The following CRYBG1 variants were observed in gnomAD, a reference collection of about 807,000 sequenced individuals.
CRYBG1 encodes beta/gamma crystallin domain-containing protein 1.
A neutral mutation model predicts 189.2 loss-of-function variants in CRYBG1; 139 were observed. The ratio of observed to expected loss-of-function variants is 0.73; its 90% CI spans 0.64 to 0.85. The LOEUF (loss-of-function observed/expected upper bound fraction) is 0.85, where lower values mean the gene tolerates loss of function less well. Among genes scored for constraint, CRYBG1 ranks in the 40% least tolerant of loss-of-function variants. The pLI, the probability that CRYBG1 is intolerant of heterozygous loss-of-function variation, is 0.00. For synonymous variants in CRYBG1, 1,023 were observed against 1,017.1 expected, an observed-to-expected ratio of 1.01 and a Z score of -0.11; for missense variants, 2,611 against 2,675.8, an observed-to-expected ratio of 0.98 and a Z score of 0.53.
rs757528132 is a variant in CRYBG1 at position 106,544,523 on chromosome 6, T to G, written c.5040-48T>G. The G allele has an allele frequency of 2.5e-6, 4 of 1,594,662 alleles. No individual in the cohort carries two copies. In the Admixed American group the frequency reaches 7.1e-5, roughly 28 times the overall value. On this transcript the variant is annotated intron_variant, in intron 11 of 21. Coordinates refer to ENST00000633556, the MANE Select transcript of CRYBG1 (RefSeq NM_001371242.2). ...GAAATTGATATGTACCTTGAAAAAA[T>G]GTTAACATGTCTGGAAATGACTACT...
intron 1 of CRYBG1, among the ~76,000 whole-genome samples, chr6:106,403,393 G>A (rs146723158): frequency 6.6e-6 from 1 of 152,320 alleles, no homozygotes; most frequent in African/African-American, 2.4e-5. Context: ...AAGGGGCTGC[G>A]TGGAATAACA....
chr6:106,553,680 T>C (rs1045342796), intron 16 of CRYBG1, 113 bp downstream of exon 16: 17 of 738,998 alleles, frequency 2.3e-5, no homozygotes, highest in Non-Finnish European at 3.8e-5. Context: ...GAAACCACCA[T>C]CTTAGTCCAA....
intron 7 of CRYBG1, 55 bp from the exon 8 acceptor site, chr6:106,530,121 A>C: frequency 6.9e-7 from 1 of 1,451,370 alleles, no homozygotes. Context: ...TGAGCTTACT[A>C]GAGAGTGAAA....
chr6:106,499,122 G>GT lies in CRYBG1; in HGVS notation c.313-12302dup, dbSNP rs753858395. On this transcript the variant is annotated intron_variant, in intron 2 of 21. Coordinates refer to ENST00000633556, the MANE Select transcript of CRYBG1 (RefSeq NM_001371242.2). ...TTTTTGCATTTTTTTTTGTTTGTGT[G>GT]TTTTTTGTTTTTTGTTTGTTTGTTT... Among the ~76,000 whole-genome samples the GT allele has an allele frequency of 2.2e-4, 29 of 132,994 alleles. No individual in the cohort carries two copies. The East Asian group carries it at 4.6e-3, about 21-fold the overall frequency. 87.2% of individuals were successfully genotyped at this position (132,994 alleles called of 152,430 possible).
chr6:106,427,105 G>A (rs1771241581), intron 1 of CRYBG1, among the ~76,000 whole-genome samples: 2 of 151,972 alleles, frequency 1.3e-5, no homozygotes, highest in Admixed American at 1.3e-4. Context: ...AGGGCCTCAG[G>A]GCTCAGTTCT....
At chr6:106,482,902 T>C (rs923559040) in intron 2 of CRYBG1, among the ~76,000 whole-genome samples, 2 of 152,224 alleles carry the variant, frequency 1.3e-5, no homozygotes, top group African/African-American at 4.8e-5. Flanking sequence ...TGGGGTATAA[T>C]TTGATGTTTC....
intron 1 of CRYBG1, among the ~76,000 whole-genome samples, chr6:106,399,864 C>T (rs550002524): frequency 7.2e-5 from 11 of 151,752 alleles, no homozygotes; most frequent in African/African-American, 1.9e-4. Flanking sequence ...CGGCCGGGTG[C>T]GGTGGCTCAC....
At chr6:106,377,850 AC>A (rs1770202827) in intron 1 of CRYBG1, among the ~76,000 whole-genome samples, 1 of 152,076 alleles carries the variant, frequency 6.6e-6, no homozygotes, top group African/African-American at 2.4e-5. Context: ...TTTACCAATG[AC>A]CATTGATGGC....
At chr6:106,384,236 G>A (rs1381883979) in intron 1 of CRYBG1, among the ~76,000 whole-genome samples, 1 of 152,130 alleles carries the variant, frequency 6.6e-6, no homozygotes, top group African/African-American at 2.4e-5. Context: ...ACTTCCCATC[G>A]GTAACTGAGG....
chr6:106,521,236 T>C lies in CRYBG1; in HGVS notation c.4028T>C (p.Leu1343Pro). Residue 1343 changes from leucine (L) to proline (P), a missense_variant, in exon 4 of 22, where the codon CTG (leucine) becomes CCG (proline). Physicochemically the swap from Leu to Pro is moderately conservative, Grantham distance 98. Coordinates refer to ENST00000633556, the MANE Select transcript of CRYBG1 (RefSeq NM_001371242.2). ...YPQKEKTKED[L>P]DSRSNLHLPE... is the part of the protein sequence containing the mutation. ...CAAAAAGAGAAAACCAAAGAAGATC[T>C]GGATTCACGAAGCAACCTACACTTG... The C allele has an allele frequency of 1.2e-6, 2 of 1,614,060 alleles. No individual in the cohort carries two copies. Among genetic ancestry groups the C allele is most frequent in the Non-Finnish European group, 1.7e-6 (2 of 1,179,986 alleles).
intron 1 of CRYBG1, among the ~76,000 whole-genome samples, chr6:106,386,438 T>G (rs1030854418): frequency 2.0e-5 from 3 of 152,222 alleles, no homozygotes; most frequent in African/African-American, 7.2e-5. Context: ...GATTCTGACT[T>G]AAAGCCTGCC....
At position 106,362,144 on chromosome 6, in the gene CRYBG1, T is replaced by C. The variant is rs573562587; in HGVS notation, c.173+1063T>C. 3.4e-5 allele frequency among the ~76,000 whole-genome samples: 5 copies of C among 148,886 alleles called. No individual in the cohort carries two copies. In the East Asian group the frequency reaches 9.9e-4, roughly 29 times the overall value. ...GCCACCACGCCCGGCTAATTTTTTG[T>C]ATTTTTAGTAGAAACGGGGTTTCAC... On this transcript the variant is annotated intron_variant, in intron 1 of 21. Transcript: ENST00000633556.
intron 8 of CRYBG1, among the ~76,000 whole-genome samples, chr6:106,539,107 A>G (rs955007783): frequency 3.9e-5 from 6 of 152,176 alleles, no homozygotes; most frequent in African/African-American, 1.4e-4. Context: ...AGCTGTTACT[A>G]ATGTTTGGCA....
intron 2 of CRYBG1, among the ~76,000 whole-genome samples, chr6:106,493,644 A>T (rs1772775246): frequency 6.6e-6 from 1 of 152,252 alleles, no homozygotes; most frequent in Admixed American, 6.5e-5. Flanking sequence ...AAAAGGAACG[A>T]GATCATGTCC....
At chr6:106,383,839 C>G (rs1770332563) in intron 1 of CRYBG1, among the ~76,000 whole-genome samples, 1 of 152,210 alleles carries the variant, frequency 6.6e-6, no homozygotes, top group Non-Finnish European at 1.5e-5. Flanking sequence ...CTACTTAGAA[C>G]CACATCGTTG....
chr6:106,443,310 A>G (rs1771600769), intron 1 of CRYBG1, among the ~76,000 whole-genome samples: 1 of 152,264 alleles, frequency 6.6e-6, no homozygotes, highest in African/African-American at 2.4e-5. Context: ...ATTACTTTAC[A>G]GAAACACACA....
chr6:106,368,792 A>T (rs1451504677), intron 1 of CRYBG1, among the ~76,000 whole-genome samples: 1 of 152,130 alleles, frequency 6.6e-6, no homozygotes, highest in Non-Finnish European at 1.5e-5. Context: ...TATACAGTAT[A>T]TACTATAGTG....
chr6:106,512,113 C>G lies in CRYBG1; in HGVS notation c.996C>G (p.Arg332=). The change falls in exon 3 of 22, where the codon CGC becomes CGG. Residue 332 remains arginine (R), a synonymous_variant. Coordinates refer to ENST00000633556, the MANE Select transcript of CRYBG1 (RefSeq NM_001371242.2). ...GCTCCCTGGGGCCCCGCAACGCCCG[C>G]AGCCAGCCCCCCAAGGGCGCGTCTG... is the stretch of plus-strand genomic sequence containing the variant. ...EEGSLGPRNA[R]SQPPKGASDL... is the part of the protein sequence containing the mutation. 6.5e-7 allele frequency: 1 copy of G among 1,534,468 alleles called. No homozygotes were observed. Among genetic ancestry groups the G allele is most frequent in the Non-Finnish European group, 8.7e-7 (1 of 1,146,090 alleles).
At chr6:106,409,614 C>A (rs924138922) in intron 1 of CRYBG1, among the ~76,000 whole-genome samples, 12 of 152,154 alleles carry the variant, frequency 7.9e-5, no homozygotes, top group African/African-American at 2.9e-4. Flanking sequence ...TGCTACCTGA[C>A]TTCAAACTAT....
Sources: allele counts gnomAD v4.1 joint callset (sites outside exome capture counted in the v4.1 genomes callset), GRCh38; gene constraint gnomAD v4.1.1; transcripts MANE v1.5; gene names NCBI Gene and HGNC (gene_info 2026-07-23, HGNC 2026-07-21).